Variants in DDX50 observed in about 807,000 individuals in gnomAD.
DDX50 encodes ATP-dependent RNA helicase DDX50.
DDX50 carries 56 observed loss-of-function variants against 94.8 expected under a neutral mutation model. That is an observed-to-expected ratio of 0.59 (90% CI 0.48 to 0.74). The LOEUF (loss-of-function observed/expected upper bound fraction) is 0.74, where lower values mean the gene tolerates loss of function less well. Among genes scored for constraint, DDX50 ranks in the 30% least tolerant of loss-of-function variants. The probability of loss-of-function intolerance (pLI) is 0.00; values close to 1 mark genes in which losing one functional copy is unlikely to be tolerated. For missense variants in DDX50, 713 were observed against 881.2 expected (o/e 0.81, Z 2.42); for synonymous variants, 264 against 295.4 (o/e 0.89, Z 1.09).
chr10:68,934,079 T>G lies in DDX50; in HGVS notation c.1240-120T>G. The G allele has an allele frequency of 1.0e-6, 1 of 961,200 alleles. No individual in the cohort carries two copies. Among genetic ancestry groups the G allele is most frequent in the South Asian group, 2.5e-5 (1 of 40,336 alleles). The allele number at this position is 961,200 out of a possible 1,614,324, so 59.5% of individuals were successfully genotyped here. A position where few individuals can be genotyped will look rare whatever the true frequency, so the allele number is the denominator to read the frequency against. On this transcript the variant is annotated intron_variant, in intron 8 of 14. Coordinates refer to ENST00000373585, the MANE Select transcript of DDX50 (RefSeq NM_024045.2). The surrounding 1 kb of genome is among the most constrained non-coding windows in gnomAD (Gnocchi z 4.0). The stretch of plus-strand genomic sequence containing the variant: ...TTTTTTTTTTTACAGTAAGCATGCA[T>G]TGTTAAAATCATCAAAGTAAGATTT...
At chr10:68,913,651 A>C in intron 6 of DDX50, 75 bp downstream of exon 6, 1 of 1,423,448 alleles carries the variant, frequency 7.0e-7, no homozygotes, top group Non-Finnish European at 9.5e-7. Flanking sequence ...TTATTTAATA[A>C]TTTTTATTGC....
intron 14 of DDX50, among the ~76,000 whole-genome samples, chr10:68,944,459 G>A (rs185020035): frequency 3.9e-5 from 6 of 152,216 alleles, no homozygotes; most frequent in African/African-American, 9.6e-5. Context: ...TTTTGCTTTC[G>A]AAGTCTTTTT....
At chr10:68,915,637 A>T (rs1476245486) in intron 7 of DDX50, among the ~76,000 whole-genome samples, 1 of 150,020 alleles carries the variant, frequency 6.7e-6, no homozygotes, top group Non-Finnish European at 1.5e-5. Context: ...AATTGCTTGA[A>T]CCCGGGAGGC....
chr10:68,906,631 G>T, intron 1 of DDX50, 80 bp from the exon 2 acceptor site: 1 of 1,472,850 alleles, frequency 6.8e-7, no homozygotes, highest in Non-Finnish European at 9.3e-7. Flanking sequence ...GAACTGGTGG[G>T]GGAGTCATGC....
chr10:68,913,067 C>T (rs1841679149), intron 4 of DDX50, 95 bp from the exon 5 acceptor site: 1 of 919,880 alleles, frequency 1.1e-6, no homozygotes, highest in Non-Finnish European at 1.7e-6. Flanking sequence ...TGTTGAGATT[C>T]CTGGTTTTAA....
chr10:68,936,515 A>AATATATAT (rs869117307), intron 11 of DDX50, among the ~76,000 whole-genome samples: 6 of 53,144 alleles, frequency 1.1e-4, no homozygotes, highest in African/African-American at 3.4e-4. Flanking sequence ...AAAAAAAAAA[A>AATATATAT]ATATATATAT....
At chr10:68,932,495 A>G (rs1045628154) in intron 8 of DDX50, among the ~76,000 whole-genome samples, 8 of 152,070 alleles carry the variant, frequency 5.3e-5, no homozygotes, top group African/African-American at 1.9e-4. Flanking sequence ...CCTGACTTCA[A>G]GTGATCCACC....
At chr10:68,903,204 G>C (rs1479890319) in intron 1 of DDX50, among the ~76,000 whole-genome samples, 2 of 151,836 alleles carry the variant, frequency 1.3e-5, no homozygotes, top group Admixed American at 6.6e-5. Flanking sequence ...CAGAAGTTTA[G>C]GTAGAGTTTT....
intron 1 of DDX50, among the ~76,000 whole-genome samples, chr10:68,904,621 C>G (rs1467075265): frequency 6.6e-6 from 1 of 152,162 alleles, no homozygotes; most frequent in African/African-American, 2.4e-5. Flanking sequence ...GAGTGCCAAG[C>G]ATTGTGGGTC....
Position 68,901,343 on chromosome 10 carries a change from GT to G in DDX50, c.-40del, listed in dbSNP as rs1236130572. 2.5e-5 allele frequency: 37 copies of G among 1,510,094 alleles called. No individual in the cohort carries two copies. Among genetic ancestry groups the G allele is most frequent in the Non-Finnish European group, 3.3e-5 (37 of 1,123,978 alleles). 93.5% of individuals were successfully genotyped at this position (1,510,094 alleles called of 1,614,324 possible). On this transcript the variant is annotated 5_prime_UTR_variant, in exon 1 of 15. Coordinates refer to ENST00000373585, the MANE Select transcript of DDX50 (RefSeq NM_024045.2). ...TTCACGCTGTCGCTGCCCGTAGGTG[GT>G]TGTGGCCACTGTGCCCGGAGGGAGG... is the stretch of plus-strand genomic sequence containing the variant.
At chr10:68,942,920 C>T (rs1589274858) in intron 13 of DDX50, among the ~76,000 whole-genome samples, 1 of 151,972 alleles carries the variant, frequency 6.6e-6, no homozygotes, top group East Asian at 1.9e-4. Flanking sequence ...CACGCCTGGC[C>T]CATTGTAGCT....
intron 14 of DDX50, among the ~76,000 whole-genome samples, chr10:68,944,215 C>G (rs1026068397): frequency 6.6e-6 from 1 of 152,098 alleles, no homozygotes; most frequent in Non-Finnish European, 1.5e-5. Flanking sequence ...TTTTTAAATA[C>G]AGGGTCCATA....
At position 68,930,299 on chromosome 10, in the gene DDX50, G is replaced by A. The variant is rs1470110227; in HGVS notation, c.1240-3900G>A. Among the ~76,000 whole-genome samples the A allele has an allele frequency of 3.3e-5, 5 of 151,522 alleles. No homozygotes were observed. The East Asian group carries it at 9.8e-4, about 30-fold the overall frequency. On this transcript the variant is annotated intron_variant, in intron 8 of 14. Coordinates refer to ENST00000373585, the MANE Select transcript of DDX50 (RefSeq NM_024045.2). ...TGCCTGGCTAATTTTTGTATTTTTA[G>A]TAGAGACGGGGTTTCACCACATTGG...
chr10:68,943,173 T>C (rs755559368), intron 13 of DDX50, 40 bp from the exon 14 acceptor site: 5 of 1,590,516 alleles, frequency 3.1e-6, no homozygotes, highest in Non-Finnish European at 4.3e-6. Context: ...TCTACACATA[T>C]GCATCTAATT....
intron 8 of DDX50, among the ~76,000 whole-genome samples, chr10:68,927,249 A>G (rs767507226): frequency 2.0e-5 from 3 of 152,144 alleles, no homozygotes; most frequent in Non-Finnish European, 4.4e-5. Flanking sequence ...TGTCCAACTT[A>G]TTTATAGTAT....
chr10:68,936,066 A>T lies in DDX50; in HGVS notation c.1582A>T (p.Met528Leu), dbSNP rs777450963. The T allele has an allele frequency of 1.2e-5, 20 of 1,610,144 alleles. No individual in the cohort carries two copies. The change falls in exon 11 of 15, where the codon ATG becomes TTG. Residue 528 changes from methionine to leucine, a missense_variant. Physicochemically the swap from Met to Leu is conservative, Grantham distance 15. Transcript: ENST00000373585. ...AATGGATTTAGTTAAATCTAAAAGCATGGATGCCATCAGGTATGCTTTCTG... is the reference window on the plus strand; with the variant it reads ...AATGGATTTAGTTAAATCTAAAAGCTTGGATGCCATCAGGTATGCTTTCTG... ...STMDLVKSKS[M>L]DAIRSLASVS...
chr10:68,913,444 A>G lies in DDX50; in HGVS notation c.811A>G (p.Lys271Glu). The G allele has an allele frequency of 6.2e-7, 1 of 1,614,166 alleles. No individual in the cohort carries two copies. Among genetic ancestry groups the G allele is most frequent in the Non-Finnish European group, 8.5e-7 (1 of 1,180,022 alleles). ...DILVGTPGRIKDHLQSGRLDL... is the reference protein window; with the variant it reads ...DILVGTPGRIEDHLQSGRLDL... Reference sequence around the variant, plus strand: ...CTTGGTTGGAACACCTGGTCGTATCAAAGACCATCTGCAGAGTGGCCGATT... The same window carrying G: ...CTTGGTTGGAACACCTGGTCGTATCGAAGACCATCTGCAGAGTGGCCGATT... Residue 271 changes from lysine (K) to glutamate (E), a missense_variant, in exon 6 of 15, where the codon AAA becomes GAA. Around this residue, in one of 2 missense-constraint regions of DDX50, gnomAD observed 428 missense variants for 602.3 expected, o/e 0.71. Transcript: ENST00000373585.
chr10:68,905,931 A>C (rs1343895766), intron 1 of DDX50, among the ~76,000 whole-genome samples: 1 of 152,128 alleles, frequency 6.6e-6, no homozygotes, highest in Non-Finnish European at 1.5e-5. Context: ...ATAAATAATT[A>C]AATAAAATGG....
intron 8 of DDX50, among the ~76,000 whole-genome samples, chr10:68,922,852 A>G (rs1481517295): frequency 3.4e-5 from 5 of 148,270 alleles, no homozygotes; most frequent in Non-Finnish European, 7.4e-5. Context: ...TAGTGGTACA[A>G]TCTCGGCTCA....
Sources: allele counts gnomAD v4.1 joint callset (sites outside exome capture counted in the v4.1 genomes callset), GRCh38; gene constraint gnomAD v4.1.1; regional missense constraint gnomAD v4.1.1; non-coding constraint Gnocchi (gnomAD v3.1); transcripts MANE v1.5; gene names NCBI Gene and HGNC (gene_info 2026-07-23, HGNC 2026-07-21).